TMC1: variants seen among roughly 807,000 people sequenced by gnomAD.
TMC1 encodes transmembrane channel like 1.
In TMC1, 84 loss-of-function variants were observed where a neutral mutation model predicts 105.8. The observed-to-expected ratio is 0.79, with a 90% CI of 0.67 to 0.95. The LOEUF (loss-of-function observed/expected upper bound fraction) is 0.95. Among genes scored for constraint, TMC1 ranks in the 40% least tolerant of loss-of-function variants. TMC1 has a pLI of 0.00. For missense variants in TMC1, 817 were observed against 914.1 expected (o/e 0.89, Z 1.37); for synonymous variants, 315 against 311.5 (o/e 1.01, Z -0.12).
intron 6 of TMC1, among the ~76,000 whole-genome samples, chr9:72,689,828 G>C (rs1250993453): frequency 2.6e-5 from 4 of 152,052 alleles, no homozygotes; most frequent in Non-Finnish European, 5.9e-5. Flanking sequence ...CCCTATGTGT[G>C]TCCTTAAATC....
intron 13 of TMC1, among the ~76,000 whole-genome samples, chr9:72,787,285 A>T (rs567644978): frequency 6.6e-6 from 1 of 152,222 alleles, no homozygotes; most frequent in Non-Finnish European, 1.5e-5. Flanking sequence ...AAAGTGGTAG[A>T]TGGATGAAAG....
At chr9:72,556,956 G>T (rs543582738) in intron 1 of TMC1, among the ~76,000 whole-genome samples, 1 of 152,318 alleles carries the variant, frequency 6.6e-6, no homozygotes, top group Admixed American at 6.5e-5. Flanking sequence ...AGTGCTATTG[G>T]CATCTAATAC....
intron 9 of TMC1, 71 bp downstream of exon 9, chr9:72,740,280 G>C: frequency 7.4e-7 from 1 of 1,352,760 alleles, no homozygotes; most frequent in South Asian, 1.2e-5. Context: ...TTTTCTAAAG[G>C]GGTGAAAAAA....
At chr9:72,641,309 G>C (rs1355216417) in intron 4 of TMC1, among the ~76,000 whole-genome samples, 1 of 151,968 alleles carries the variant, frequency 6.6e-6, no homozygotes, top group Non-Finnish European at 1.5e-5. Context: ...GGCTAGGCTT[G>C]TTTTAACTCC....
chr9:72,688,487 G>A (rs1440265513), intron 5 of TMC1, among the ~76,000 whole-genome samples: 1 of 152,074 alleles, frequency 6.6e-6, no homozygotes, highest in Non-Finnish European at 1.5e-5. Flanking sequence ...GTTATGTTTT[G>A]CAAATCCCTG....
intron 2 of TMC1, among the ~76,000 whole-genome samples, chr9:72,611,504 G>A (rs560423748): frequency 2.0e-5 from 3 of 152,174 alleles, no homozygotes; most frequent in South Asian, 2.1e-4. Context: ...TTGATATTAT[G>A]ACAATGTGGT....
rs111717003 is a variant in TMC1 at position 72,821,361 on chromosome 9, G to A, written c.2003+280G>A. Reference sequence around the variant, plus strand: ...ATACAAAGAAAAAAAAATTAGTCGCGTGTGGTGGTGGGTGCCTGTAATCCC... The same window carrying A: ...ATACAAAGAAAAAAAAATTAGTCGCATGTGGTGGTGGGTGCCTGTAATCCC... On this transcript the variant is annotated intron_variant, in intron 20 of 23. Coordinates refer to ENST00000297784, the MANE Select transcript of TMC1 (RefSeq NM_138691.3). 4.6e-5 allele frequency among the ~76,000 whole-genome samples: 7 copies of A among 152,150 alleles called. 1 individual carries two copies. Among genetic ancestry groups the A allele is most frequent in the South Asian group, 2.1e-4 (1 of 4,818 alleles).
intron 13 of TMC1, among the ~76,000 whole-genome samples, chr9:72,778,175 A>C (rs1394619430): frequency 6.6e-6 from 1 of 152,186 alleles, no homozygotes; most frequent in Non-Finnish European, 1.5e-5. Context: ...CTTCATCCTC[A>C]AGAATTTTAA....
At chr9:72,826,466 G>A (rs919556112) in intron 20 of TMC1, among the ~76,000 whole-genome samples, 15 of 152,208 alleles carry the variant, frequency 9.9e-5, no homozygotes, top group Non-Finnish European at 1.8e-4. Context: ...ATTCCACTGG[G>A]CTATTCCTTG....
chr9:72,788,253 C>A, intron 13 of TMC1, 86 bp from the exon 14 acceptor site: 4 of 1,427,074 alleles, frequency 2.8e-6, no homozygotes, highest in Non-Finnish European at 4.0e-6. Context: ...ATTGCTTCTC[C>A]ACTTCAACAC....
intron 4 of TMC1, among the ~76,000 whole-genome samples, chr9:72,632,865 A>G (rs1381727734): frequency 6.6e-6 from 1 of 152,198 alleles, no homozygotes; most frequent in African/African-American, 2.4e-5. Flanking sequence ...AAATTCCAGA[A>G]CTTGGAAACA....
chr9:72,776,672 T>C (rs112692040), intron 13 of TMC1, among the ~76,000 whole-genome samples: 8 of 152,304 alleles, frequency 5.3e-5, no homozygotes, highest in African/African-American at 1.9e-4. Flanking sequence ...ACCAATCTTA[T>C]ATACTGTGTT....
At chr9:72,657,820 G>A (rs893834456) in intron 5 of TMC1, among the ~76,000 whole-genome samples, 1 of 152,160 alleles carries the variant, frequency 6.6e-6, no homozygotes, top group Non-Finnish European at 1.5e-5. Flanking sequence ...ACAATGAAAA[G>A]TATCGCTATG....
At chr9:72,737,519 G>A (rs1358114710) in intron 8 of TMC1, among the ~76,000 whole-genome samples, 1 of 152,168 alleles carries the variant, frequency 6.6e-6, no homozygotes, top group African/African-American at 2.4e-5. Flanking sequence ...GTGAGTCTGA[G>A]TCAGGTTTGC....
In TMC1 at chr9:72,788,413, G is replaced by C. The variant is rs1467569980; in HGVS notation, c.959G>C (p.Ser320Thr). 1 of 1,613,924 alleles carries C rather than the reference G, an allele frequency of 6.2e-7. No homozygotes were observed. Among genetic ancestry groups the C allele is most frequent in the Non-Finnish European group, 8.5e-7 (1 of 1,179,924 alleles). Residue 320 changes from serine (S) to threonine (T), a missense_variant, in exon 14 of 24, where the codon AGC becomes ACC. By Grantham distance (58) the Ser-to-Thr change is moderately conservative (BLOSUM62 1). Coordinates refer to ENST00000297784, the MANE Select transcript of TMC1 (RefSeq NM_138691.3). Reference protein sequence around the residue: ...TFNFSWKVFTSWDYLIGNPET... With the variant: ...TFNFSWKVFTTWDYLIGNPET... ...AATTTCAGCTGGAAGGTCTTTACCA[G>C]CTGGGACTACCTGATCGGCAATCCT...
At chr9:72,601,967 A>G (rs1824824011) in intron 2 of TMC1, among the ~76,000 whole-genome samples, 1 of 152,194 alleles carries the variant, frequency 6.6e-6, no homozygotes, top group Non-Finnish European at 1.5e-5. Context: ...CCTAAACACA[A>G]AATTCATTTA....
chr9:72,675,783 A>G (rs1826193360), intron 5 of TMC1, among the ~76,000 whole-genome samples: 1 of 152,112 alleles, frequency 6.6e-6, no homozygotes, highest in Admixed American at 6.6e-5. Flanking sequence ...ACCCCACCCC[A>G]TGCCTTTTTG....
intron 12 of TMC1, among the ~76,000 whole-genome samples, chr9:72,757,965 C>G (rs933920500): frequency 6.6e-5 from 10 of 151,934 alleles, no homozygotes; most frequent in Non-Finnish European, 1.5e-4. Flanking sequence ...GAAGTAAATA[C>G]ATAAGTAAAT....
intron 1 of TMC1, among the ~76,000 whole-genome samples, chr9:72,574,260 A>C (rs1824337269): frequency 6.6e-6 from 1 of 152,196 alleles, no homozygotes; most frequent in South Asian, 2.1e-4. Context: ...AAGAATTGTG[A>C]ACAGGGTCTC....
Sources: allele counts gnomAD v4.1 joint callset (sites outside exome capture counted in the v4.1 genomes callset), GRCh38; gene constraint gnomAD v4.1.1; transcripts MANE v1.5; gene names NCBI Gene and HGNC (gene_info 2026-07-23, HGNC 2026-07-21).